The following SLC12A3 variants were observed in gnomAD, a reference collection of about 807,000 sequenced individuals.
SLC12A3 encodes solute carrier family 12 member 3.
A neutral mutation model predicts 121.0 loss-of-function variants in SLC12A3; 104 were observed. The ratio of observed to expected loss-of-function variants is 0.86; its 90% CI spans 0.73 to 1.01. SLC12A3 has a LOEUF of 1.01. SLC12A3 is among the 50% of genes least tolerant of loss of function. The pLI is 0.00. For synonymous variants in SLC12A3, 536 were observed against 533.4 expected, an observed-to-expected ratio of 1.00 and a Z score of -0.07; for missense variants, 1,328 against 1,356.3, an observed-to-expected ratio of 0.98 and a Z score of 0.33.
rs745496082 is a variant in SLC12A3 at position 56,887,013 on chromosome 16, C to T, written c.2098C>T (p.Leu700=). The T allele has an allele frequency of 6.2e-7, 1 of 1,613,946 alleles. No homozygotes were observed. ...QLIANGHTKW[L]NKRKIKAFYS... ...CATCGCCAACGGGCACACCAAGTGG[C>T]TGAACAAGAGGAAGATCAAGGCCTT... is the stretch of plus-strand genomic sequence containing the variant. The change falls in exon 17 of 26, where the codon CTG becomes TTG. Residue 700 remains leucine, a synonymous_variant. Transcript: ENST00000563236.
intron 8 of SLC12A3, 139 bp downstream of exon 8, chr16:56,872,925 A>G: frequency 1.8e-6 from 2 of 1,108,406 alleles, no homozygotes; most frequent in Non-Finnish European, 2.7e-6. Context: ...AACTCAGCTC[A>G]GTTCAACCCA....
intron 20 of SLC12A3, 130 bp from the exon 21 acceptor site, chr16:56,892,822 GC>G: frequency 1.4e-6 from 1 of 713,992 alleles, no homozygotes. Context: ...AGCGTCCTGG[GC>G]CCCGGTTCCT....
intron 3 of SLC12A3, 98 bp downstream of exon 3, chr16:56,868,470 G>C (rs754537372): frequency 5.5e-5 from 68 of 1,243,706 alleles, no homozygotes; most frequent in Non-Finnish European, 7.5e-5. Context: ...AAGGTTGCAG[G>C]ATTAAACTTG....
chr16:56,883,315 C>T (rs752100790), intron 13 of SLC12A3, among the ~76,000 whole-genome samples: 1 of 130,686 alleles, frequency 7.7e-6, no homozygotes, highest in Non-Finnish European at 1.5e-5. Context: ...GAGTCTGGCT[C>T]TGTTGTCCAG....
Position 56,872,772 on chromosome 16 carries a change from T to A in SLC12A3, c.1081T>A (p.Ser361Thr). Reference protein sequence around the residue: ...ATGILAGANISGDLKDPAIAI... With the variant: ...ATGILAGANITGDLKDPAIAI... Reference sequence around the variant, plus strand: ...AGGCATCCTGGCAGGGGCCAACATATCTGGTGACCTCAAGGTGAGCAGAAT... The same window carrying A: ...AGGCATCCTGGCAGGGGCCAACATAACTGGTGACCTCAAGGTGAGCAGAAT... Residue 361 changes from serine to threonine, a missense_variant, in exon 8 of 26, where the codon TCT (serine) becomes ACT (threonine). Transcript: ENST00000563236. 6.2e-7 allele frequency: 1 copy of A among 1,614,230 alleles called. No homozygotes were observed. The highest frequency in any genetic ancestry group is 8.5e-7 in the Non-Finnish European group (1 of 1,180,020).
At position 56,908,940 on chromosome 16, in the gene SLC12A3, C is replaced by T. The variant is rs572247783; in HGVS notation, c.2925-4324C>T. Among the ~76,000 whole-genome samples the T allele has an allele frequency of 5.3e-5, 8 of 152,308 alleles. No homozygotes were observed. The South Asian group carries it at 1.0e-3, about 20-fold the overall frequency. On this transcript the variant is annotated intron_variant, in intron 25 of 25. Coordinates refer to ENST00000563236, the MANE Select transcript of SLC12A3 (RefSeq NM_001126108.2). ...TGCCAGACCACGGCTTAATGAGTGCCGCCTCTGTTCAGAGAGGCATGTGTG... is the reference window on the plus strand; with the variant it reads ...TGCCAGACCACGGCTTAATGAGTGCTGCCTCTGTTCAGAGAGGCATGTGTG...
At chr16:56,881,607 G>A (rs1233471740) in intron 12 of SLC12A3, among the ~76,000 whole-genome samples, 1 of 152,106 alleles carries the variant, frequency 6.6e-6, no homozygotes, top group Non-Finnish European at 1.5e-5. Flanking sequence ...GGATTAATAT[G>A]TAAAAGTTTA....
intron 24 of SLC12A3, 113 bp from the exon 25 acceptor site, chr16:56,904,282 T>A (rs1398468596): frequency 2.0e-6 from 2 of 1,000,804 alleles, no homozygotes; most frequent in African/African-American, 3.2e-5. Flanking sequence ...GGCAGCAGAG[T>A]CTACAAGTAA....
chr16:56,882,029 AC>A (rs2144718410), intron 12 of SLC12A3, among the ~76,000 whole-genome samples: 1 of 148,932 alleles, frequency 6.7e-6, no homozygotes, highest in African/African-American at 2.5e-5. Flanking sequence ...AGCCTGGGTG[AC>A]AGAGCGAGAG....
At chr16:56,908,524 T>C (rs925393417) in intron 25 of SLC12A3, among the ~76,000 whole-genome samples, 2 of 151,946 alleles carry the variant, frequency 1.3e-5, no homozygotes, top group Non-Finnish European at 2.9e-5. Context: ...ACTTAAGGCA[T>C]TAGAAAAAAA....
At chr16:56,894,389 C>G (rs1232608372) in intron 21 of SLC12A3, 142 bp from the exon 22 acceptor site, 1 of 694,724 alleles carries the variant, frequency 1.4e-6, no homozygotes, top group Non-Finnish European at 2.7e-6. Flanking sequence ...ATTCAGTCAG[C>G]CATGTTCATT....
At chr16:56,887,475 C>T (rs904409072) in intron 17 of SLC12A3, among the ~76,000 whole-genome samples, 26 of 151,760 alleles carry the variant, frequency 1.7e-4, no homozygotes, top group African/African-American at 6.0e-4. Flanking sequence ...CCAGAGTGCT[C>T]GGTTTACAGG....
At position 56,902,455 on chromosome 16, in the gene SLC12A3, C is replaced by A. The variant is rs56125220; in HGVS notation, c.2803C>A (p.Arg935=). ...KDEATVNEMR[R]DCPWKISDEE... is the part of the protein sequence containing the mutation. ...TGAGGCCACTGTCAACGAGATGCGG[C>A]GGGACTGCCCCTGGAAGATCTCAGA... The change falls in exon 24 of 26, where the codon CGG becomes AGG. Residue 935 remains arginine, a synonymous_variant. Coordinates refer to ENST00000563236, the MANE Select transcript of SLC12A3 (RefSeq NM_001126108.2). The A allele has an allele frequency of 6.6e-7, 1 of 1,503,926 alleles. No individual in the cohort carries two copies. The highest frequency in any genetic ancestry group is 9.0e-7 in the Non-Finnish European group (1 of 1,111,768). 93.2% of individuals were successfully genotyped at this position (1,503,926 alleles called of 1,614,324 possible). A position where few individuals can be genotyped will look rare whatever the true frequency, so the allele number is the denominator to read the frequency against.
chr16:56,875,320 GAGTACAGCCC>G lies in SLC12A3; in HGVS notation c.1095+2535_1095+2544del, dbSNP rs2055151977. Among the ~76,000 whole-genome samples, 7 of 152,286 alleles carry G rather than the reference GAGTACAGCCC, an allele frequency of 4.6e-5. 1 individual carries two copies. The South Asian group carries it at 1.4e-3, about 32-fold the overall frequency. On this transcript the variant is annotated intron_variant, in intron 8 of 25. Coordinates refer to ENST00000563236, the MANE Select transcript of SLC12A3 (RefSeq NM_001126108.2). ...AGCTTCCCCAATTCTAAAATGGGAC[GAGTACAGCCC>G]CCATCTTGCAGGGCGGTGGGGAGGA... is the stretch of plus-strand genomic sequence containing the variant.
intron 11 of SLC12A3, 39 bp from the exon 12 acceptor site, chr16:56,880,091 G>T: frequency 6.3e-7 from 1 of 1,597,222 alleles, no homozygotes; most frequent in South Asian, 1.1e-5. Flanking sequence ...GAAGTGGCAG[G>T]TCCCAGCCTA....
rs112686224 is a variant in SLC12A3 at position 56,906,980 on chromosome 16, A to G, written c.2924+2518A>G. On this transcript the variant is annotated intron_variant, in intron 25 of 25. Transcript: ENST00000563236. ...AAAGGGGCGGCAGTGTGTTATCTGC[A>G]GCCATTGTGGATTTTTTACAAGAAG... is the stretch of plus-strand genomic sequence containing the variant. 1,011 of 250,446 alleles carry G rather than the reference A, an allele frequency of 4.0e-3. 14 individuals are homozygous for G. The highest frequency in any genetic ancestry group is 0.021 in the African/African-American group (944 of 44,054). 15.5% of individuals were successfully genotyped at this position (250,446 alleles called of 1,614,324 possible). A position where few individuals can be genotyped will look rare whatever the true frequency, so the allele number is the denominator to read the frequency against.
At chr16:56,880,687 G>A (rs181935951) in intron 12 of SLC12A3, among the ~76,000 whole-genome samples, 9 of 152,270 alleles carry the variant, frequency 5.9e-5, no homozygotes, top group African/African-American at 2.2e-4. Context: ...ATATAAACTA[G>A]ACAAACCTAG....
At position 56,870,712 on chromosome 16, in the gene SLC12A3, G is replaced by A. The variant is rs201460625; in HGVS notation, c.828G>A (p.Leu276=). 1 of 1,613,330 alleles carries A rather than the reference G, an allele frequency of 6.2e-7. No homozygotes were observed. The highest frequency in any genetic ancestry group is 1.3e-5 in the African/African-American group (1 of 75,060). Residue 276 remains leucine, a synonymous_variant, in exon 6 of 26, where the codon CTG becomes CTA. Transcript: ENST00000563236. ...TCACTGTGCTGCTGGCCATCTCCCT[G>A]GCTGGCATGGAGTGGGAGTCCAAGG... ...VSVTVLLAIS[L]AGMEWESKAQ...
chr16:56,902,959 A>G (rs1341723855), intron 24 of SLC12A3, among the ~76,000 whole-genome samples: 2 of 152,106 alleles, frequency 1.3e-5, no homozygotes, highest in Non-Finnish European at 2.9e-5. Flanking sequence ...CAGCCTGACC[A>G]ACATGGTGAG....
Sources: gnomAD v4.1 joint callset for allele counts (sites outside exome capture counted in the v4.1 genomes callset) on GRCh38, gnomAD v4.1.1 for gene constraint, MANE v1.5 for transcripts, NCBI Gene and HGNC (gene_info 2026-07-23, HGNC 2026-07-21) for gene names.